DAB1: variants seen among roughly 807,000 people sequenced by gnomAD.
The protein encoded by DAB1 is DAB adaptor protein 1.
A neutral mutation model predicts 64.6 loss-of-function variants in DAB1; 15 were observed. The ratio of observed to expected loss-of-function variants is 0.23; its 90% CI spans 0.16 to 0.36. The LOEUF (loss-of-function observed/expected upper bound fraction) is 0.36, where lower values mean the gene tolerates loss of function less well. Ranked by LOEUF, DAB1 falls within the 10% of genes least tolerant of loss-of-function variation. The pLI is 1.00. For synonymous variants in DAB1, 235 were observed against 251.9 expected (o/e 0.93, Z 0.64); for missense variants, 596 against 706.7 (o/e 0.84, Z 1.78).
At chr1:57,746,516 A>G (rs1460521227) in intron 6 of DAB1, among the ~76,000 whole-genome samples, 3 of 152,166 alleles carry the variant, frequency 2.0e-5, no homozygotes, top group African/African-American at 7.2e-5. Context: ...AATTGCCTGT[A>G]CATTTCCTTT....
At chr1:57,519,576 A>G (rs1644502180) in intron 7 of DAB1, among the ~76,000 whole-genome samples, 2 of 152,160 alleles carry the variant, frequency 1.3e-5, no homozygotes, top group African/African-American at 4.8e-5. Context: ...CAAAGCCCCT[A>G]GATGCAGTGG....
At chr1:57,349,276 G>A (rs892754465) in intron 1 of DAB1, among the ~76,000 whole-genome samples, 1 of 152,148 alleles carries the variant, frequency 6.6e-6, no homozygotes, top group Admixed American at 6.5e-5. Flanking sequence ...ATCAGGCACT[G>A]GTAGTGATTT....
intron 9 of DAB1, 54 bp from the exon 10 acceptor site, chr1:57,026,097 G>T (rs1462676266): frequency 1.5e-6 from 2 of 1,376,578 alleles, no homozygotes; most frequent in African/African-American, 1.4e-5. Flanking sequence ...GTGCTGCTGG[G>T]CCCTGCTTTA....
chr1:58,346,683 C>T (rs1643999876), intron 3 of DAB1, among the ~76,000 whole-genome samples: 1 of 152,184 alleles, frequency 6.6e-6, no homozygotes, highest in South Asian at 2.1e-4. Context: ...TGATGAGAAG[C>T]TCATTACATT....
At chr1:57,457,384 T>C (rs752051911) in intron 7 of DAB1, among the ~76,000 whole-genome samples, 16 of 152,146 alleles carry the variant, frequency 1.1e-4, no homozygotes, top group Non-Finnish European at 1.6e-4. Flanking sequence ...AAACTAGGTC[T>C]GAATAGATCT....
At chr1:57,308,604 C>T (rs1048612037) in intron 1 of DAB1, among the ~76,000 whole-genome samples, 8 of 152,166 alleles carry the variant, frequency 5.3e-5, no homozygotes, top group African/African-American at 1.9e-4. Flanking sequence ...GACTTTTCAT[C>T]TTCTAACTTT....
chr1:58,163,833 A>T lies in DAB1; in HGVS notation n.310-13245T>A, dbSNP rs147631186. ...GCTGCTCATCTGGCATAAGCTGTTCACACACTCCTGGCTGATCTTGAGGCT... is the reference window on the plus strand; with the variant it reads ...GCTGCTCATCTGGCATAAGCTGTTCTCACACTCCTGGCTGATCTTGAGGCT... On this transcript the variant is annotated intron_variant and non_coding_transcript_variant, in intron 4 of 20. Coordinates refer to the DAB1 transcript ENST00000485760. Among the ~76,000 whole-genome samples, 389 of 152,270 alleles carry T rather than the reference A, an allele frequency of 2.6e-3. 2 individuals carry two copies. Among genetic ancestry groups the T allele is most frequent in the African/African-American group, 9.1e-3 (378 of 41,560 alleles).
chr1:58,453,896 C>A (rs1422232650), intron 3 of DAB1, among the ~76,000 whole-genome samples: 3 of 152,094 alleles, frequency 2.0e-5, no homozygotes, highest in Non-Finnish European at 4.4e-5. Flanking sequence ...CAGGCCTGCC[C>A]AGCCTCTCCT....
chr1:58,198,737 T>C (rs1270666780), intron 4 of DAB1, among the ~76,000 whole-genome samples: 1 of 152,160 alleles, frequency 6.6e-6, no homozygotes, highest in Non-Finnish European at 1.5e-5. Context: ...CTCAATCCAT[T>C]GAGAGGCAGA....
chr1:58,448,625 G>C (rs941770706), intron 3 of DAB1, among the ~76,000 whole-genome samples: 4 of 152,168 alleles, frequency 2.6e-5, no homozygotes, highest in Non-Finnish European at 5.9e-5. Flanking sequence ...GGAAACAAAA[G>C]GCTAGGAGCA....
rs150911587 is a variant in DAB1, at chr1:57,130,065, T to C, written c.306+6478A>G. Among the ~76,000 whole-genome samples, 690 of 151,414 alleles carry C rather than the reference T, an allele frequency of 4.6e-3. 5 individuals carry two copies. Among genetic ancestry groups the C allele is most frequent in the African/African-American group, 0.016 (672 of 41,268 alleles). ...TGTGGAGCTTGTAGTCTGATGGGAG[T>C]GTGAGTCAACTCAGTATGACACAGA... On this transcript the variant is annotated intron_variant, in intron 4 of 14. Coordinates refer to ENST00000371236, the MANE Select transcript of DAB1 (RefSeq NM_001365792.1).
intron 2 of DAB1, among the ~76,000 whole-genome samples, chr1:57,255,832 A>G (rs912769602): frequency 1.3e-5 from 2 of 152,208 alleles, no homozygotes; most frequent in South Asian, 2.1e-4. Context: ...ACAGTTGTAA[A>G]TATCTACTGA....
intron 1 of DAB1, among the ~76,000 whole-genome samples, chr1:57,363,409 G>A (rs12411278): frequency 0.02 from 3,014 of 152,214 alleles, 38 homozygotes; most frequent in African/African-American, 0.025. Flanking sequence ...TGCAGAGCAC[G>A]GAGGCAGAGG....
intron 3 of DAB1, among the ~76,000 whole-genome samples, chr1:58,461,410 T>G (rs1318305341): frequency 2.6e-5 from 4 of 152,138 alleles, no homozygotes; most frequent in Admixed American, 6.5e-5. Flanking sequence ...TTTGGAGCAA[T>G]TAAAAGTAAG....
At chr1:57,424,873 G>A (rs1254691569), upstream of DAB1, among the ~76,000 whole-genome samples, 1 of 152,146 alleles carries the variant, frequency 6.6e-6, no homozygotes, top group Non-Finnish European at 1.5e-5. Flanking sequence ...GGTTAACTCC[G>A]GCTTACTCCC....
At chr1:57,002,761 CT>C (rs1266823729) in intron 14 of DAB1, among the ~76,000 whole-genome samples, 2 of 152,190 alleles carry the variant, frequency 1.3e-5, no homozygotes, top group African/African-American at 4.8e-5. Flanking sequence ...GGGCCTGCCC[CT>C]GACTGTCAGA....
intron 3 of DAB1, 63 bp from the exon 4 acceptor site, chr1:57,136,704 C>T (rs1229386024): frequency 8.7e-7 from 1 of 1,145,210 alleles, no homozygotes; most frequent in Non-Finnish European, 1.2e-6. Context: ...TCTCTGGTCC[C>T]AAAGGTATGT....
chr1:57,692,555 A>G (rs1422886940), intron 6 of DAB1, among the ~76,000 whole-genome samples: 3 of 152,182 alleles, frequency 2.0e-5, no homozygotes, highest in Non-Finnish European at 4.4e-5. Context: ...TCAAAGAGAA[A>G]GAGAGATGGA....
chr1:57,983,954 A>G (rs1283806277), intron 5 of DAB1, among the ~76,000 whole-genome samples: 1 of 152,054 alleles, frequency 6.6e-6, no homozygotes, highest in Admixed American at 6.6e-5. Context: ...CTCATACCCA[A>G]TGTATAAAAA....
Sources: allele counts gnomAD v4.1 joint callset (sites outside exome capture counted in the v4.1 genomes callset), GRCh38; gene constraint gnomAD v4.1.1; transcripts MANE v1.5; gene names NCBI Gene and HGNC (gene_info 2026-07-23, HGNC 2026-07-21).